Variants in SBNO1 observed in about 807,000 individuals in gnomAD.
The protein encoded by SBNO1 is protein strawberry notch homolog 1.
Under a neutral mutation model 173.6 loss-of-function variants are expected in SBNO1, and 23 were observed. The ratio of observed to expected loss-of-function variants is 0.13; its 90% CI spans 0.10 to 0.19. SBNO1 has a LOEUF of 0.19. SBNO1 is among the 10% of genes least tolerant of loss of function. SBNO1 has a pLI of 1.00. For missense variants in SBNO1, 1,238 were observed against 1,671.2 expected (o/e 0.74, Z 4.52); for synonymous variants, 632 against 571.5 (o/e 1.11, Z -1.51).
At chr12:123,350,562 AC>A (rs1873755032) in intron 1 of SBNO1, 121 bp from the exon 2 acceptor site, 3 of 774,842 alleles carry the variant, frequency 3.9e-6, no homozygotes, top group Non-Finnish European at 6.5e-6. Flanking sequence ...TTAATGAAGA[AC>A]CTGCCATGTC....
At chr12:123,328,083 T>C in intron 10 of SBNO1, 56 bp from the exon 11 acceptor site, 1 of 1,361,842 alleles carries the variant, frequency 7.3e-7, no homozygotes, top group Non-Finnish European at 1.0e-6. Context: ...GAATCTCCAG[T>C]CTTTCAAGAA....
chr12:123,300,464 T>C (rs1002197911), intron 30 of SBNO1, among the ~76,000 whole-genome samples: 1 of 152,050 alleles, frequency 6.6e-6, no homozygotes, highest in Non-Finnish European at 1.5e-5. Context: ...AAGACCATCA[T>C]GGCTAACACG....
chr12:123,304,044 C>A (rs576702048), intron 29 of SBNO1, among the ~76,000 whole-genome samples: 1 of 148,504 alleles, frequency 6.7e-6, no homozygotes, highest in African/African-American at 2.5e-5. Flanking sequence ...GATTCTCCTG[C>A]CTCAGCCTCC....
At chr12:123,324,114 T>C (rs1211589887) in intron 15 of SBNO1, among the ~76,000 whole-genome samples, 1 of 152,172 alleles carries the variant, frequency 6.6e-6, no homozygotes, top group Non-Finnish European at 1.5e-5. Flanking sequence ...TAACTCAATA[T>C]ACCATGTCAA....
At chr12:123,303,226 T>C (rs1234839562) in intron 29 of SBNO1, among the ~76,000 whole-genome samples, 1 of 152,196 alleles carries the variant, frequency 6.6e-6, no homozygotes, top group African/African-American at 2.4e-5. Flanking sequence ...CTATAAATCA[T>C]TGCAAAATAT....
At chr12:123,340,915 C>G in intron 5 of SBNO1, 73 bp downstream of exon 5, 1 of 925,340 alleles carries the variant, frequency 1.1e-6, no homozygotes, top group South Asian at 1.5e-5. Flanking sequence ...GAGGGTTGTT[C>G]CATATAGAAC....
intron 1 of SBNO1, among the ~76,000 whole-genome samples, chr12:123,361,763 T>C (rs1566060090): frequency 6.7e-6 from 1 of 148,664 alleles, no homozygotes; most frequent in African/African-American, 2.5e-5. Context: ...TTGCCTGACA[T>C]ATAACCGCAT....
chr12:123,339,918 C>T (rs1872325271), intron 5 of SBNO1, among the ~76,000 whole-genome samples: 1 of 152,156 alleles, frequency 6.6e-6, no homozygotes, highest in Non-Finnish European at 1.5e-5. Context: ...TACCTCCCCT[C>T]TGTGCCCATT....
Position 123,320,581 on chromosome 12 carries a change from T to A in SBNO1, c.2518A>T (p.Ser840Cys). 2 of 1,613,822 alleles carry A rather than the reference T, an allele frequency of 1.2e-6. No individual in the cohort carries two copies. The highest frequency in any genetic ancestry group is 1.7e-6 in the Non-Finnish European group (2 of 1,179,882). ...ACAGCATCCTGACTTGTTATAAGGC[T>A]ACTGTTACTGTTGGTGTTACTGTTA... ...PANSNTNSNS[S>C]LITSQDAVER... The change falls in exon 19 of 32, where the codon AGC becomes TGC. Residue 840 changes from serine (S) to cysteine (C), a missense_variant. By Grantham distance (112) the Ser-to-Cys change is moderately radical. Coordinates refer to ENST00000602398, the MANE Select transcript of SBNO1 (RefSeq NM_001167856.3).
chr12:123,331,818 C>A (rs1036363518), intron 7 of SBNO1, among the ~76,000 whole-genome samples: 4 of 151,842 alleles, frequency 2.6e-5, no homozygotes, highest in Non-Finnish European at 5.9e-5. Context: ...CTGCACCCAG[C>A]CAAATTTTAT....
intron 6 of SBNO1, among the ~76,000 whole-genome samples, chr12:123,335,006 T>C (rs77873906): frequency 0.017 from 2,564 of 152,250 alleles, 46 homozygotes; most frequent in Non-Finnish European, 0.022. Flanking sequence ...CTTGGCAATA[T>C]AGTGAGACCC....
chr12:123,306,028 TA>T (rs375156446), intron 28 of SBNO1, among the ~76,000 whole-genome samples: 2 of 152,352 alleles, frequency 1.3e-5, no homozygotes, highest in African/African-American at 4.8e-5. Flanking sequence ...TTCATTCTTA[TA>T]ATGAAAAACA....
At chr12:123,358,598 C>G (rs1431437645) in intron 1 of SBNO1, among the ~76,000 whole-genome samples, 1 of 151,704 alleles carries the variant, frequency 6.6e-6, no homozygotes, top group African/African-American at 2.4e-5. Flanking sequence ...AAAAAATTAG[C>G]CGGGCGCGGT....
At chr12:123,331,585 G>A (rs1418418766) in intron 7 of SBNO1, among the ~76,000 whole-genome samples, 3 of 151,564 alleles carry the variant, frequency 2.0e-5, no homozygotes, top group East Asian at 2.0e-4. Flanking sequence ...GCAGTGGCGC[G>A]ATCTTGGCTC....
intron 3 of SBNO1, among the ~76,000 whole-genome samples, chr12:123,347,388 G>A (rs867499280): frequency 3.8e-4 from 57 of 149,888 alleles, no homozygotes; most frequent in Admixed American, 4.7e-4. Context: ...CACCACACCC[G>A]GCTAATTTTT....
At chr12:123,320,355 GAA>G in intron 19 of SBNO1, 75 bp downstream of exon 19, 1 of 1,290,282 alleles carries the variant, frequency 7.8e-7, no homozygotes, top group South Asian at 1.4e-5. Flanking sequence ...ATTATTATGT[GAA>G]GACAGTCAAA....
At chr12:123,363,256 A>G (rs897745192) in intron 1 of SBNO1, among the ~76,000 whole-genome samples, 183 of 152,334 alleles carry the variant, frequency 1.2e-3, no homozygotes, top group African/African-American at 4.2e-3. Context: ...TTGCAAAATT[A>G]ATGTCCCACT....
Position 123,317,078 on chromosome 12 carries a change from T to A in SBNO1, c.2935+143A>T, listed in dbSNP as rs1044687340. On this transcript the variant is annotated intron_variant, in intron 21 of 31. Coordinates refer to ENST00000602398, the MANE Select transcript of SBNO1 (RefSeq NM_001167856.3). ...GTCTCAAACTCCCGGACTCAAGTTA[T>A]CCTCCCACAGTGGCCTCCCGAAATG... is the stretch of plus-strand genomic sequence containing the variant. The A allele has an allele frequency of 2.3e-5, 18 of 784,582 alleles. No homozygotes were observed. The Admixed American group carries it at 4.0e-4, about 17-fold the overall frequency. 48.6% of individuals were successfully genotyped at this position (784,582 alleles called of 1,614,324 possible).
chr12:123,311,132 G>A lies in SBNO1; in HGVS notation c.3221-3C>T, dbSNP rs753821511. The stretch of plus-strand genomic sequence containing the variant: ...GCCTATCAGTCCTTGTCGAACATCT[G>A]TAAGAACAGGATCAATTCTGACTCA... On this transcript the variant is annotated splice_polypyrimidine_tract_variant and splice_region_variant and intron_variant, in intron 24 of 31. Transcript: ENST00000602398. 6.2e-7 allele frequency: 1 copy of A among 1,608,964 alleles called. No homozygotes were observed. The highest frequency in any genetic ancestry group is 1.1e-5 in the South Asian group (1 of 90,988).
Sources: allele counts gnomAD v4.1 joint callset (sites outside exome capture counted in the v4.1 genomes callset), GRCh38; gene constraint gnomAD v4.1.1; transcripts MANE v1.5; gene names NCBI Gene and HGNC (gene_info 2026-07-23, HGNC 2026-07-21).